Variants in KDM4C observed in about 807,000 individuals in gnomAD.
KDM4C encodes lysine-specific demethylase 4C.
A neutral mutation model predicts 129.3 loss-of-function variants in KDM4C; 81 were observed. That is an observed-to-expected ratio of 0.63 (90% CI 0.52 to 0.75). The LOEUF is 0.75. Among genes scored for constraint, KDM4C ranks in the 30% least tolerant of loss-of-function variants. The pLI is 0.00. For missense variants in KDM4C, 1,457 were observed against 1,304.0 expected, an observed-to-expected ratio of 1.12 and a Z score of -1.81; for synonymous variants, 573 against 456.1, an observed-to-expected ratio of 1.26 and a Z score of -3.26.
chr9:7,019,478 G>A (rs1278395073), intron 15 of KDM4C, among the ~76,000 whole-genome samples: 2 of 151,550 alleles, frequency 1.3e-5, no homozygotes, highest in African/African-American at 4.8e-5. Context: ...GCCTTGTGAA[G>A]GTAAGGTTAT....
chr9:6,775,427 T>C (rs1227128689), intron 1 of KDM4C, among the ~76,000 whole-genome samples: 1 of 152,158 alleles, frequency 6.6e-6, no homozygotes, highest in Non-Finnish European at 1.5e-5. Context: ...AGATTGATTT[T>C]TGAGTTTTCA....
At chr9:6,840,317 C>T (rs1416446515) in intron 4 of KDM4C, among the ~76,000 whole-genome samples, 4 of 152,094 alleles carry the variant, frequency 2.6e-5, no homozygotes, top group Admixed American at 6.5e-5. Context: ...AAGCTATCTG[C>T]CTGCCTTGGC....
intron 8 of KDM4C, among the ~76,000 whole-genome samples, chr9:6,938,974 A>C (rs190412714): frequency 1.3e-5 from 2 of 152,128 alleles, no homozygotes; most frequent in Admixed American, 1.3e-4. Flanking sequence ...GTAGTTTCTA[A>C]CATTATTAGA....
At chr9:6,722,189 G>T (rs915009530) in intron 1 of KDM4C, among the ~76,000 whole-genome samples, 2 of 152,150 alleles carry the variant, frequency 1.3e-5, no homozygotes, top group African/African-American at 4.8e-5. Flanking sequence ...GAAGAAAGAG[G>T]GATGTGGGCC....
chr9:6,723,783 A>T (rs1379117509), intron 1 of KDM4C: 1 of 152,162 alleles, frequency 6.6e-6, no homozygotes, highest in Non-Finnish European at 1.5e-5. Flanking sequence ...ACGCCTGCCA[A>T]AATTAATCTA....
upstream of KDM4C, among the ~76,000 whole-genome samples, chr9:6,756,995 G>C (rs1818338595): frequency 6.6e-6 from 1 of 152,102 alleles, no homozygotes; most frequent in Non-Finnish European, 1.5e-5. Context: ...TAAGACGTTA[G>C]AGAAAACGCC....
intron 19 of KDM4C, among the ~76,000 whole-genome samples, chr9:7,149,114 G>A (rs1406040510): frequency 2.6e-5 from 4 of 152,194 alleles, no homozygotes; most frequent in Non-Finnish European, 4.4e-5. Context: ...TGCCCATGCC[G>A]AGCCGCCCTC....
rs937829526 is a variant in KDM4C, at chr9:6,904,895, GA to G, written c.921+11672del. 9.3e-5 allele frequency among the ~76,000 whole-genome samples: 14 copies of G among 150,012 alleles called. No homozygotes were observed. The East Asian group carries it at 1.2e-3, about 12-fold the overall frequency. ...AAATTAAACTGGGAATAACACAAAA[GA>G]AAAAAAAACCTAGCTTGGTTTCTAA... On this transcript the variant is annotated intron_variant, in intron 8 of 21. Transcript: ENST00000381309.
chr9:7,019,562 C>T (rs147029433), intron 15 of KDM4C, among the ~76,000 whole-genome samples: 1,950 of 151,358 alleles, frequency 0.013, 24 homozygotes, highest in Middle Eastern at 0.058. Context: ...TTTAATTGTT[C>T]TGTTGGTGTT....
chr9:7,002,903 C>T lies in KDM4C; in HGVS notation c.1787-8795C>T, dbSNP rs532858434. On this transcript the variant is annotated intron_variant, in intron 12 of 21. Transcript: ENST00000381309. ...TTAGATAGACTATTGCTATGTCTGCCAGGCTGGAGTGCGGTGGCACGATCT... is the reference window on the plus strand; with the variant it reads ...TTAGATAGACTATTGCTATGTCTGCTAGGCTGGAGTGCGGTGGCACGATCT... 5.3e-5 allele frequency among the ~76,000 whole-genome samples: 8 copies of T among 152,326 alleles called. No homozygotes were observed. In the South Asian group the frequency reaches 1.4e-3, roughly 28 times the overall value.
chr9:6,973,510 C>T (rs2792235), intron 8 of KDM4C, among the ~76,000 whole-genome samples: 50,183 of 152,006 alleles, frequency 0.33, 8,569 homozygotes, highest in South Asian at 0.42. Context: ...TTATTGTTTT[C>T]GACATGGCTG....
intron 1 of KDM4C, among the ~76,000 whole-genome samples, chr9:6,773,605 G>T (rs950901096): frequency 6.6e-6 from 1 of 151,794 alleles, no homozygotes; most frequent in African/African-American, 2.4e-5. Context: ...ATCTTGTTTC[G>T]ACTAAAAATA....
chr9:6,885,620 CAA>C (rs35373004), intron 6 of KDM4C, among the ~76,000 whole-genome samples: 55,676 of 135,712 alleles, frequency 0.41, 12,060 homozygotes, highest in East Asian at 0.7. Context: ...TTAAAAAAGA[CAA>C]AAAAAAAAAA....
At chr9:7,070,597 A>G (rs1181824237) in intron 17 of KDM4C, among the ~76,000 whole-genome samples, 1 of 152,204 alleles carries the variant, frequency 6.6e-6, no homozygotes, top group Non-Finnish European at 1.5e-5. Context: ...ATAGTAACAG[A>G]CTAAAGAAAA....
chr9:7,051,119 G>C (rs1177726048), intron 17 of KDM4C, among the ~76,000 whole-genome samples: 3 of 152,110 alleles, frequency 2.0e-5, no homozygotes, highest in African/African-American at 7.2e-5. Context: ...GCAGCCTCTT[G>C]ACCAGATTAT....
At chr9:6,723,155 C>G (rs938983718) in intron 1 of KDM4C, among the ~76,000 whole-genome samples, 2 of 152,040 alleles carry the variant, frequency 1.3e-5, no homozygotes, top group African/African-American at 4.8e-5. Context: ...GAGTGGATCT[C>G]CTGAGATCAG....
chr9:6,793,999 C>T (rs188431541), intron 2 of KDM4C, among the ~76,000 whole-genome samples: 1 of 152,298 alleles, frequency 6.6e-6, no homozygotes, highest in Non-Finnish European at 1.5e-5. Context: ...CATCATCCCC[C>T]AAAGAAACTT....
At chr9:7,071,801 C>G (rs891618014) in intron 17 of KDM4C, among the ~76,000 whole-genome samples, 3 of 152,108 alleles carry the variant, frequency 2.0e-5, no homozygotes, top group African/African-American at 7.2e-5. Context: ...CACTTCTGCT[C>G]TTTGAAAAAC....
At chr9:6,998,711 G>A (rs1226597580) in intron 12 of KDM4C, among the ~76,000 whole-genome samples, 10 of 152,142 alleles carry the variant, frequency 6.6e-5, no homozygotes, top group South Asian at 2.1e-4. Context: ...CAAGAGAATC[G>A]CTGGAACCTG....
Sources: gnomAD v4.1 joint callset for allele counts (sites outside exome capture counted in the v4.1 genomes callset) on GRCh38, gnomAD v4.1.1 for gene constraint, MANE v1.5 for transcripts, NCBI Gene and HGNC (gene_info 2026-07-23, HGNC 2026-07-21) for gene names.